SLC24A2: variants seen among roughly 807,000 people sequenced by gnomAD.
The protein encoded by SLC24A2 is sodium/potassium/calcium exchanger 2.
Under a neutral mutation model 62.0 loss-of-function variants are expected in SLC24A2, and 36 were observed. That is an observed-to-expected ratio of 0.58 (90% CI 0.44 to 0.77). The LOEUF (loss-of-function observed/expected upper bound fraction) is 0.77. SLC24A2 is among the 30% of genes least tolerant of loss of function. The probability of loss-of-function intolerance (pLI) is 0.00; values close to 1 mark genes in which losing one functional copy is unlikely to be tolerated. For synonymous variants in SLC24A2, 358 were observed against 294.0 expected (o/e 1.22, Z -2.23); for missense variants, 846 against 817.9 (o/e 1.03, Z -0.42).
chr9:19,999,573 C>T, the SLC24A2 span, among the ~76,000 whole-genome samples: 3 of 152,178 alleles, frequency 2.0e-5, no homozygotes, highest in Admixed American at 1.3e-4. Context: ...TGGCAATGAG[C>T]TACAAAAGGT....
intron 7 of SLC24A2, among the ~76,000 whole-genome samples, chr9:19,567,611 C>T (rs1835709722): frequency 6.9e-6 from 1 of 145,960 alleles, no homozygotes; most frequent in South Asian, 2.1e-4. Context: ...TTTAACACAG[C>T]AACTACAAAC....
chr9:19,874,674 C>T, the SLC24A2 span, among the ~76,000 whole-genome samples: 1 of 152,186 alleles, frequency 6.6e-6, no homozygotes, highest in Non-Finnish European at 1.5e-5. Context: ...TTTCTAGATA[C>T]TTGAGTTCCC....
At chr9:20,088,312 G>GA in the SLC24A2 span, among the ~76,000 whole-genome samples, 1 of 152,224 alleles carries the variant, frequency 6.6e-6, no homozygotes, top group Non-Finnish European at 1.5e-5. Context: ...CAGAGGGAGG[G>GA]GCAGGCTGCC....
the SLC24A2 span, among the ~76,000 whole-genome samples, chr9:19,854,199 T>C: frequency 6.6e-6 from 1 of 152,198 alleles, no homozygotes; most frequent in African/African-American, 2.4e-5. Context: ...CTTTTCTTCT[T>C]TATCAGTCTA....
At chr9:19,549,313 C>G (rs1459004880) in intron 8 of SLC24A2, among the ~76,000 whole-genome samples, 1 of 152,194 alleles carries the variant, frequency 6.6e-6, no homozygotes, top group East Asian at 1.9e-4. Flanking sequence ...TTCTTTGACA[C>G]TCTTCCCAAC....
At position 19,618,824 on chromosome 9, in the gene SLC24A2, C is replaced by T. The variant is rs186226042; in HGVS notation, c.1078+760G>A. ...GAACATACTTGGTTATATTTGAACCCCTTACTAGTGACAAAACTAATATTT... is the reference window on the plus strand; with the variant it reads ...GAACATACTTGGTTATATTTGAACCTCTTACTAGTGACAAAACTAATATTT... On this transcript the variant is annotated intron_variant, in intron 4 of 10. Transcript: ENST00000341998. Among the ~76,000 whole-genome samples, 13 of 152,186 alleles carry T rather than the reference C, an allele frequency of 8.5e-5. No homozygotes were observed. The East Asian group carries it at 2.3e-3, about 27-fold the overall frequency.
the SLC24A2 span, among the ~76,000 whole-genome samples, chr9:19,970,917 T>A: frequency 6.6e-6 from 1 of 152,188 alleles, no homozygotes; most frequent in Non-Finnish European, 1.5e-5. Context: ...TATAAGATAA[T>A]GGAAGGTAGA....
the SLC24A2 span, among the ~76,000 whole-genome samples, chr9:20,218,477 T>C: frequency 6.6e-6 from 1 of 152,162 alleles, no homozygotes; most frequent in South Asian, 2.1e-4. Flanking sequence ...TGTGTCCTTG[T>C]GTTGGGAGCA....
intron 8 of SLC24A2, among the ~76,000 whole-genome samples, chr9:19,539,262 G>C (rs1415700459): frequency 9.8e-5 from 6 of 61,204 alleles, no homozygotes; most frequent in African/African-American, 4.1e-4. Flanking sequence ...GAATGTGTTT[G>C]CTCTTGCTTT....
the SLC24A2 span, among the ~76,000 whole-genome samples, chr9:19,941,488 C>G: frequency 1.3e-5 from 2 of 151,734 alleles, no homozygotes; most frequent in African/African-American, 4.8e-5. Flanking sequence ...CCACCTCCAC[C>G]CACTACCAAA....
chr9:19,639,746 C>T (rs538494033), intron 2 of SLC24A2, among the ~76,000 whole-genome samples: 1 of 152,348 alleles, frequency 6.6e-6, no homozygotes, highest in South Asian at 2.1e-4. Flanking sequence ...AGACACATCT[C>T]CTCTAGTATA....
intron 4 of SLC24A2, among the ~76,000 whole-genome samples, chr9:19,610,199 T>G (rs997640940): frequency 6.6e-6 from 1 of 151,368 alleles, no homozygotes; most frequent in Non-Finnish European, 1.5e-5. Context: ...AAATGAAAAT[T>G]TGAATCTACA....
chr9:19,996,789 T>C, the SLC24A2 span, among the ~76,000 whole-genome samples: 1 of 149,636 alleles, frequency 6.7e-6, no homozygotes, highest in Admixed American at 6.6e-5. Context: ...ATGATTATCC[T>C]ATGCCTTCAC....
intron 5 of SLC24A2, among the ~76,000 whole-genome samples, chr9:19,584,896 T>C (rs139308754): frequency 9.7e-4 from 147 of 152,286 alleles, no homozygotes; most frequent in Non-Finnish European, 1.5e-3. Context: ...AAAAATTAAA[T>C]TACTCTGTAA....
intron 2 of SLC24A2, among the ~76,000 whole-genome samples, chr9:19,763,208 G>C (rs1376198274): frequency 6.6e-6 from 1 of 152,190 alleles, no homozygotes; most frequent in East Asian, 1.9e-4. Context: ...AGCTTAAGGA[G>C]TTTTTGAGCT....
chr9:19,805,904 T>A, the SLC24A2 span, among the ~76,000 whole-genome samples: 1 of 151,946 alleles, frequency 6.6e-6, no homozygotes, highest in Non-Finnish European at 1.5e-5. Flanking sequence ...TCCCTGAGGC[T>A]TAAGCTTTAT....
At chr9:19,647,732 T>C (rs897437002) in intron 2 of SLC24A2, among the ~76,000 whole-genome samples, 1 of 152,244 alleles carries the variant, frequency 6.6e-6, no homozygotes, top group Non-Finnish European at 1.5e-5. Context: ...TATATTTCAA[T>C]TGTTAATGCC....
the SLC24A2 span, among the ~76,000 whole-genome samples, chr9:19,893,823 T>C: frequency 9.2e-5 from 14 of 152,124 alleles, no homozygotes; most frequent in South Asian, 4.1e-4. Flanking sequence ...GGCTTCCCAA[T>C]TGTCAAATTG....
chr9:20,015,338 G>A, the SLC24A2 span, among the ~76,000 whole-genome samples: 1 of 152,342 alleles, frequency 6.6e-6, no homozygotes, highest in Non-Finnish European at 1.5e-5. Flanking sequence ...CCTTGTAGAT[G>A]CAGGTGCACT....
Sources: allele counts gnomAD v4.1 joint callset (sites outside exome capture counted in the v4.1 genomes callset), GRCh38; gene constraint gnomAD v4.1.1; transcripts MANE v1.5; gene names NCBI Gene and HGNC (gene_info 2026-07-23, HGNC 2026-07-21).